The following BMP2K variants were observed in gnomAD, a reference collection of about 807,000 sequenced individuals.
The protein encoded by BMP2K is BMP-2-inducible protein kinase.
A neutral mutation model predicts 116.0 loss-of-function variants in BMP2K; 74 were observed. That is an observed-to-expected ratio of 0.64 (90% CI 0.53 to 0.77). BMP2K has a LOEUF of 0.77. BMP2K is among the 30% of genes least tolerant of loss of function. BMP2K has a pLI of 0.00. For synonymous variants in BMP2K, 486 were observed against 502.5 expected (o/e 0.97, Z 0.44); for missense variants, 1,365 against 1,403.6 (o/e 0.97, Z 0.44).
At chr4:78,806,859 A>G (rs1174327224) in intron 1 of BMP2K, among the ~76,000 whole-genome samples, 1 of 145,186 alleles carries the variant, frequency 6.9e-6, no homozygotes, top group Non-Finnish European at 1.5e-5. Flanking sequence ...TTTTTTTTAA[A>G]TATTTTTGAG....
intron 3 of BMP2K, among the ~76,000 whole-genome samples, chr4:78,836,192 C>T (rs1383209669): frequency 1.3e-5 from 2 of 151,696 alleles, no homozygotes; most frequent in Admixed American, 6.6e-5. Flanking sequence ...CTGAGGCGGG[C>T]GGATCAAGAG....
rs1734643191 is a variant in BMP2K, at chr4:78,911,914, T to G, written c.3367T>G (p.Phe1123Val). The change falls in exon 16 of 16, where the codon TTT (phenylalanine) becomes GTT (valine). Residue 1123 changes from phenylalanine to valine, a missense_variant. Phe to Val is a conservative substitution (Grantham distance 50, BLOSUM62 -1). Transcript: ENST00000502613. ...HSADVLKMDD[F>V]GAVPFTELVV... ...TGCAGATGTATTGAAAATGGATGAT[T>G]TTGGTGCCGTGCCCTTTACAGAACT... 6.2e-7 allele frequency: 1 copy of G among 1,613,850 alleles called. No individual in the cohort carries two copies. Among genetic ancestry groups the G allele is most frequent in the African/African-American group, 1.3e-5 (1 of 74,922 alleles).
At position 78,795,723 on chromosome 4, in the gene BMP2K, G is replaced by T. The variant is rs1488009423; in HGVS notation, c.178+19002G>T. Among the ~76,000 whole-genome samples, 8 of 152,072 alleles carry T rather than the reference G, an allele frequency of 5.3e-5. 1 individual carries two copies. Among genetic ancestry groups the T allele is most frequent in the African/African-American group, 1.9e-4 (8 of 41,390 alleles). On this transcript the variant is annotated intron_variant, in intron 1 of 15. Coordinates refer to ENST00000502613, the MANE Select transcript of BMP2K (RefSeq NM_198892.2). Reference sequence around the variant, plus strand: ...AACAAACAACCCCATCAAAAAGTGGGCAAAGGACATGAACAGACACTTCTC... The same window carrying T: ...AACAAACAACCCCATCAAAAAGTGGTCAAAGGACATGAACAGACACTTCTC...
intron 1 of BMP2K, among the ~76,000 whole-genome samples, chr4:78,801,261 A>G (rs904279104): frequency 2.4e-4 from 37 of 151,916 alleles, no homozygotes; most frequent in African/African-American, 8.2e-4. Context: ...AGGTGGCCCA[A>G]TCCTAGATAC....
At position 78,911,838 on chromosome 4, in the gene BMP2K, T is replaced by C; in HGVS notation, c.3291T>C (p.Thr1097=). Residue 1097 remains threonine (T), a synonymous_variant, in exon 16 of 16, where the codon ACT becomes ACC. Coordinates refer to ENST00000502613, the MANE Select transcript of BMP2K (RefSeq NM_198892.2). ...GLSDIRADHN[T]VLPGRPRQNS... ...GCGACATCCGTGCTGATCACAATAC[T>C]GTCCTGCCAGGGCGGCCAAGACAAA... is the stretch of plus-strand genomic sequence containing the variant. 1 of 1,614,018 alleles carries C rather than the reference T, an allele frequency of 6.2e-7. No individual in the cohort carries two copies. The highest frequency in any genetic ancestry group is 1.3e-5 in the African/African-American group (1 of 75,070).
chr4:78,908,675 A>G (rs559763877), intron 15 of BMP2K, among the ~76,000 whole-genome samples: 4 of 152,302 alleles, frequency 2.6e-5, no homozygotes, highest in South Asian at 2.1e-4. Flanking sequence ...TGTCTCACAC[A>G]TATGTCAAGC....
At chr4:78,861,592 G>A (rs1731792683) in intron 9 of BMP2K, 124 bp downstream of exon 9, 1 of 796,996 alleles carries the variant, frequency 1.3e-6, no homozygotes, top group African/African-American at 1.8e-5. Context: ...GTTGCTTATT[G>A]TATGTGGTAT....
chr4:78,894,689 CTT>C (rs1733613408), intron 15 of BMP2K, among the ~76,000 whole-genome samples: 1 of 152,194 alleles, frequency 6.6e-6, no homozygotes, highest in South Asian at 2.1e-4. Flanking sequence ...TGGAGTATCA[CTT>C]TTAATTTCCT....
chr4:78,815,269 T>C (rs1560511995), intron 1 of BMP2K, among the ~76,000 whole-genome samples: 1 of 152,182 alleles, frequency 6.6e-6, no homozygotes, highest in Non-Finnish European at 1.5e-5. Flanking sequence ...TTACTATCAT[T>C]TCTATTTTTA....
Position 78,902,782 on chromosome 4 carries a change from G to A in BMP2K, c.2063-7828G>A, listed in dbSNP as rs189725342. ...GAGGGAAACCTGATTCTAGAAGAGC[G>A]GTAATATGCATAGTATGATGCAAAC... On this transcript the variant is annotated intron_variant, in intron 15 of 15. Transcript: ENST00000502613. 2.7e-3 allele frequency among the ~76,000 whole-genome samples: 418 copies of A among 152,056 alleles called. 1 individual carries two copies. Among genetic ancestry groups the A allele is most frequent in the Non-Finnish European group, 4.4e-3 (301 of 67,958 alleles).
intron 1 of BMP2K, among the ~76,000 whole-genome samples, chr4:78,779,214 C>T (rs191545749): frequency 2.0e-5 from 3 of 152,312 alleles, no homozygotes; most frequent in Non-Finnish European, 4.4e-5. Context: ...ACATTTTTGT[C>T]AACTGATCAA....
rs1393004254 is a variant in BMP2K at position 78,857,604 on chromosome 4, G to A, written c.884-1980G>A. On this transcript the variant is annotated intron_variant, in intron 7 of 15. Transcript: ENST00000502613. ...TCTTGGATTAAACCAGGCCGCAAAA[G>A]AAGTACATTCTTAAACCATACCCCT... Among the ~76,000 whole-genome samples, 4 of 152,066 alleles carry A rather than the reference G, an allele frequency of 2.6e-5. No individual in the cohort carries two copies. The East Asian group carries it at 5.8e-4, about 22-fold the overall frequency.
At chr4:78,816,040 G>A (rs868670105) in intron 1 of BMP2K, among the ~76,000 whole-genome samples, 1 of 152,030 alleles carries the variant, frequency 6.6e-6, no homozygotes, top group Non-Finnish European at 1.5e-5. Flanking sequence ...ACCCTCACTC[G>A]CTCTAAAAAA....
chr4:78,847,288 G>A lies in BMP2K; in HGVS notation c.750+19G>A, dbSNP rs764126110. 6.5e-7 allele frequency: 1 copy of A among 1,549,676 alleles called. No individual in the cohort carries two copies. The highest frequency in any genetic ancestry group is 8.7e-7 in the Non-Finnish European group (1 of 1,144,990). On this transcript the variant is annotated intron_variant, in intron 6 of 15. Coordinates refer to ENST00000502613, the MANE Select transcript of BMP2K (RefSeq NM_198892.2). Reference sequence around the variant, plus strand: ...TATCTGGGTAAGGCCAAGAAAGGCTGGAACTTGCTCTAACCAAATTAAAAA... The same window carrying A: ...TATCTGGGTAAGGCCAAGAAAGGCTAGAACTTGCTCTAACCAAATTAAAAA...
In BMP2K at chr4:78,914,339, TA is replaced by T. The variant is rs2110116380; in HGVS notation, c.*2308del. On this transcript the variant is annotated 3_prime_UTR_variant, in exon 16 of 16. Coordinates refer to ENST00000502613, the MANE Select transcript of BMP2K (RefSeq NM_198892.2). ...ACAGCATAAAATATTTACATTCTTA[TA>T]ACACAGCACAGTGACTTTCTTCTTT... The T allele has an allele frequency of 6.6e-6, 1 of 152,210 alleles. No individual in the cohort carries two copies. The highest frequency in any genetic ancestry group is 2.1e-4 in the South Asian group (1 of 4,830). 9.4% of individuals were successfully genotyped at this position (152,210 alleles called of 1,614,324 possible).
At chr4:78,786,559 G>A (rs537576262) in intron 1 of BMP2K, among the ~76,000 whole-genome samples, 7 of 151,990 alleles carry the variant, frequency 4.6e-5, no homozygotes, top group Non-Finnish European at 8.8e-5. Flanking sequence ...TTAGCCTCCC[G>A]ACAGTTGGGA....
chr4:78,822,947 AC>A (rs1313773244), intron 1 of BMP2K, among the ~76,000 whole-genome samples: 1 of 152,118 alleles, frequency 6.6e-6, no homozygotes, highest in Non-Finnish European at 1.5e-5. Flanking sequence ...CTAACTAGTT[AC>A]CTCCCTGTAA....
In BMP2K at chr4:78,915,091, C is replaced by T. The variant is rs1734930338; in HGVS notation, c.*3058C>T. 1 of 151,960 alleles carries T rather than the reference C, an allele frequency of 6.6e-6. No homozygotes were observed. The highest frequency in any genetic ancestry group is 6.6e-5 in the Admixed American group (1 of 15,220). 9.4% of individuals were successfully genotyped at this position (151,960 alleles called of 1,614,324 possible). Reference sequence around the variant, plus strand: ...GGTTGTAGGCCGGATGAAAATTTAACTGACTAGAACATTTATTCAGGAGTG... The same window carrying T: ...GGTTGTAGGCCGGATGAAAATTTAATTGACTAGAACATTTATTCAGGAGTG... On this transcript the variant is annotated 3_prime_UTR_variant, in exon 16 of 16. Coordinates refer to ENST00000502613, the MANE Select transcript of BMP2K (RefSeq NM_198892.2).
intron 1 of BMP2K, among the ~76,000 whole-genome samples, chr4:78,810,731 T>C (rs1729049173): frequency 6.6e-6 from 1 of 152,180 alleles, no homozygotes. Flanking sequence ...AAGGCTATCA[T>C]GGAGCTGGAG....
Sources: gnomAD v4.1 joint callset for allele counts (sites outside exome capture counted in the v4.1 genomes callset) on GRCh38, gnomAD v4.1.1 for gene constraint, MANE v1.5 for transcripts, NCBI Gene and HGNC (gene_info 2026-07-23, HGNC 2026-07-21) for gene names.